Variants in NF1 observed in about 807,000 individuals in gnomAD.
NF1 encodes neurofibromin.
Under a neutral mutation model 325.7 loss-of-function variants are expected in NF1, and 122 were observed. That is an observed-to-expected ratio of 0.37 (90% confidence interval 0.32 to 0.44). The LOEUF (loss-of-function observed/expected upper bound fraction) is 0.44, where lower values mean the gene tolerates loss of function less well. Among genes scored for constraint, NF1 ranks in the 20% least tolerant of loss-of-function variants. The pLI is 1.00. For synonymous variants in NF1, 1,091 were observed against 1,186.0 expected (o/e 0.92, Z 1.65); for missense variants, 2,140 against 3,415.4 (o/e 0.63, Z 9.31).
At position 31,230,477 on chromosome 17, in the gene NF1, G is replaced by A. The variant is rs539751836; in HGVS notation, c.3113+95G>A. The stretch of plus-strand genomic sequence containing the variant: ...TAGATATGCGGTTATTGGTAGAAAG[G>A]AGGACATGAAAAGAGAGCAATTTAC... On this transcript the variant is annotated intron_variant, in intron 23 of 57. Coordinates refer to ENST00000358273, the MANE Select transcript of NF1 (RefSeq NM_001042492.3). The A allele has an allele frequency of 6.5e-5, 96 of 1,477,814 alleles. 2 individuals are homozygous for A. The South Asian group carries it at 1.0e-3, about 16-fold the overall frequency. The allele number at this position is 1,477,814 out of a possible 1,614,324, so 91.5% of individuals were successfully genotyped here. A position where few individuals can be genotyped will look rare whatever the true frequency, so the allele number is the denominator to read the frequency against.
intron 36 of NF1, chr17:31,314,285 T>G (rs2068964718): frequency 3.3e-6 from 1 of 299,034 alleles, no homozygotes; most frequent in African/African-American, 2.1e-5. Context: ...GTAATATGAT[T>G]ATGTAAATTA....
At chr17:31,328,180 A>G (rs1377564889) in intron 38 of NF1, among the ~76,000 whole-genome samples, 1 of 152,210 alleles carries the variant, frequency 6.6e-6, no homozygotes, top group Admixed American at 6.5e-5. Context: ...ATTTAGTTTA[A>G]AAGTCAAGTC....
chr17:31,290,470 TC>T (rs1405060622), intron 36 of NF1, among the ~76,000 whole-genome samples: 4 of 152,228 alleles, frequency 2.6e-5, no homozygotes, highest in Non-Finnish European at 5.9e-5. Flanking sequence ...TAGGCACTGT[TC>T]TAAACACTTT....
intron 39 of NF1, among the ~76,000 whole-genome samples, chr17:31,332,169 TTAA>T (rs2069515120): frequency 6.6e-6 from 1 of 151,900 alleles, no homozygotes; most frequent in Non-Finnish European, 1.5e-5. Flanking sequence ...TGAGAAATGA[TTAA>T]TATCCTTAAT....
At chr17:31,219,335 C>T (rs1022130291) in intron 14 of NF1, 16 of 301,604 alleles carry the variant, frequency 5.3e-5, no homozygotes, top group African/African-American at 3.5e-4. Context: ...AATTCTGATG[C>T]TTAATAAAAT....
chr17:31,170,045 ACTAGTAT>A, intron 5 of NF1, 48 bp downstream of exon 5: 1 of 1,199,640 alleles, frequency 8.3e-7, no homozygotes, highest in Non-Finnish European at 1.2e-6. Flanking sequence ...TGGGTCAAAA[ACTAGTAT>A]CATGAATGTA....
chr17:31,319,151 C>T (rs1260406933), intron 36 of NF1: 21 of 937,418 alleles, frequency 2.2e-5, no homozygotes, highest in Non-Finnish European at 3.3e-5. Flanking sequence ...ATATTCGCTA[C>T]CCTGAATTCC....
chr17:31,118,481 C>G (rs1210446908), intron 1 of NF1, among the ~76,000 whole-genome samples: 1 of 152,098 alleles, frequency 6.6e-6, no homozygotes, highest in Non-Finnish European at 1.5e-5. Context: ...TGATGTTCCC[C>G]TCTGTGTGTC....
At chr17:31,275,660 G>A (rs1597767642) in intron 36 of NF1, among the ~76,000 whole-genome samples, 1 of 152,178 alleles carries the variant, frequency 6.6e-6, no homozygotes, top group Admixed American at 6.5e-5. Context: ...GGGTACTACT[G>A]TACTTTCCTC....
At chr17:31,126,778 T>C (rs1490469949) in intron 1 of NF1, among the ~76,000 whole-genome samples, 1 of 152,168 alleles carries the variant, frequency 6.6e-6, no homozygotes, top group Non-Finnish European at 1.5e-5. Context: ...AAATATCTTT[T>C]CCAATTTATG....
intron 36 of NF1, among the ~76,000 whole-genome samples, chr17:31,311,108 A>C (rs1336398057): frequency 6.6e-6 from 1 of 151,580 alleles, no homozygotes; most frequent in East Asian, 1.9e-4. Flanking sequence ...GCACTACACC[A>C]CGCCCAACTA....
At chr17:31,340,848 A>AAG (rs1491365241) in intron 47 of NF1, among the ~76,000 whole-genome samples, 1 of 125,392 alleles carries the variant, frequency 8.0e-6, no homozygotes, top group African/African-American at 3.5e-5. Flanking sequence ...TAAAAATAGC[A>AAG]AAAAAAAAAA....
At chr17:31,140,970 TA>T in intron 1 of NF1, among the ~76,000 whole-genome samples, 1 of 152,204 alleles carries the variant, frequency 6.6e-6, no homozygotes, top group East Asian at 1.9e-4. Flanking sequence ...AATGGGGTTA[TA>T]TAGATAATAA....
chr17:31,280,374 T>G (rs1056739939), intron 36 of NF1, among the ~76,000 whole-genome samples: 8 of 150,566 alleles, frequency 5.3e-5, no homozygotes, highest in South Asian at 2.1e-4. Context: ...CTGGGCGTGG[T>G]GGTGTGTGGG....
intron 46 of NF1, 126 bp from the exon 47 acceptor site, chr17:31,340,379 C>A: frequency 1.6e-6 from 2 of 1,236,506 alleles, no homozygotes; most frequent in Non-Finnish European, 2.3e-6. Context: ...ATATCTTTAT[C>A]TTCCCCAAAA....
rs182992231 is a variant in NF1, at chr17:31,203,316, A to G, written c.1260+1831A>G. On this transcript the variant is annotated intron_variant, in intron 11 of 57. Coordinates refer to ENST00000358273, the MANE Select transcript of NF1 (RefSeq NM_001042492.3). ...TATATGAAAATCTGTTTTTATAAAG[A>G]AAAAAACTACATTGAATAATTTTTA... Among the ~76,000 whole-genome samples the G allele has an allele frequency of 1.7e-3, 254 of 152,334 alleles. 1 individual carries two copies. The highest frequency in any genetic ancestry group is 5.7e-3 in the African/African-American group (238 of 41,578).
intron 22 of NF1, 108 bp downstream of exon 22, chr17:31,230,082 A>G (rs2151431128): frequency 6.8e-7 from 1 of 1,465,126 alleles, no homozygotes; most frequent in Non-Finnish European, 9.5e-7. Context: ...TCTTTACTGC[A>G]CACAAACTAG....
rs1445492329 is a variant in NF1 at position 31,358,623 on chromosome 17, G to A, written c.8113+1G>A. 1 of 1,613,952 alleles carries A rather than the reference G, an allele frequency of 6.2e-7. No individual in the cohort carries two copies. Among genetic ancestry groups the A allele is most frequent in the East Asian group, 2.2e-5 (1 of 44,856 alleles). ...CAATACCAAACATCTTACCTGCAAA[G>A]TAAATAAATGTATCTGGAGAAGGAT... On this transcript the variant is annotated splice_donor_variant, in intron 55 of 57. Transcript: ENST00000358273. LOFTEE classifies it high-confidence loss of function.
intron 36 of NF1, among the ~76,000 whole-genome samples, chr17:31,286,948 A>T (rs538612327): frequency 1.3e-5 from 2 of 152,360 alleles, no homozygotes; most frequent in East Asian, 3.9e-4. Flanking sequence ...AGCATTCAGT[A>T]TGTTTCAACT....
Sources: allele counts gnomAD v4.1 joint callset (sites outside exome capture counted in the v4.1 genomes callset), GRCh38; gene constraint gnomAD v4.1.1; transcripts MANE v1.5; gene names NCBI Gene and HGNC (gene_info 2026-07-23, HGNC 2026-07-21).